AGBL4: variants seen among roughly 807,000 people sequenced by gnomAD.
AGBL4 encodes the protein AGBL carboxypeptidase 4.
AGBL4 carries 58 observed loss-of-function variants against 66.4 expected under a neutral mutation model. The ratio of observed to expected loss-of-function variants is 0.87; its 90% CI spans 0.71 to 1.09. The LOEUF is 1.09. Among genes scored for constraint, AGBL4 ranks in the 50% least tolerant of loss-of-function variants. The pLI is 0.00. For missense variants in AGBL4, 579 were observed against 631.0 expected, an observed-to-expected ratio of 0.92 and a Z score of 0.88; for synonymous variants, 234 against 222.9, an observed-to-expected ratio of 1.05 and a Z score of -0.44.
chr1:48,956,867 C>T (rs930551562), intron 5 of AGBL4, among the ~76,000 whole-genome samples: 1 of 152,040 alleles, frequency 6.6e-6, no homozygotes, highest in African/African-American at 2.4e-5. Context: ...GGACACACAC[C>T]ATGTTTTGCT....
rs189542097 is a variant in AGBL4, at chr1:49,497,168, T to C, written c.282+200145A>G. On this transcript the variant is annotated intron_variant, in intron 3 of 13. Coordinates refer to ENST00000371839, the MANE Select transcript of AGBL4 (RefSeq NM_032785.4). The stretch of plus-strand genomic sequence containing the variant: ...TATATGCCTGTTGGCCATTTGTATG[T>C]CTTCTTTTGAGAAATGTCTAATAGT... 1.6e-4 allele frequency among the ~76,000 whole-genome samples: 24 copies of C among 152,178 alleles called. 1 individual carries two copies. The highest frequency in any genetic ancestry group is 7.2e-4 in the Admixed American group (11 of 15,266).
chr1:48,633,018 G>T (rs1382018568), intron 9 of AGBL4, among the ~76,000 whole-genome samples: 1 of 152,158 alleles, frequency 6.6e-6, no homozygotes, highest in African/African-American at 2.4e-5. Context: ...TTCTATCTCT[G>T]CATATGGATT....
At chr1:49,071,147 A>G (rs1000075864) in intron 4 of AGBL4, among the ~76,000 whole-genome samples, 1 of 151,692 alleles carries the variant, frequency 6.6e-6, no homozygotes, top group African/African-American at 2.4e-5. Flanking sequence ...CTTCTTTATT[A>G]GTCTGGCTTG....
chr1:49,595,521 T>C (rs1176157137), intron 3 of AGBL4, among the ~76,000 whole-genome samples: 2 of 152,124 alleles, frequency 1.3e-5, no homozygotes, highest in Admixed American at 6.6e-5. Flanking sequence ...CTAAAAATCA[T>C]CTAGTATTAC....
intron 2 of AGBL4, among the ~76,000 whole-genome samples, chr1:49,780,148 C>T (rs1159179686): frequency 6.6e-6 from 1 of 151,996 alleles, no homozygotes; most frequent in African/African-American, 2.4e-5. Flanking sequence ...CAAGTTACAC[C>T]AGACAATAAT....
intron 6 of AGBL4, among the ~76,000 whole-genome samples, chr1:48,750,423 T>G (rs914339212): frequency 6.6e-6 from 1 of 152,188 alleles, no homozygotes; most frequent in African/African-American, 2.4e-5. Flanking sequence ...GCTCTCCTGT[T>G]GCCTGAGATA....
At chr1:49,767,184 T>C (rs1652792279) in intron 2 of AGBL4, among the ~76,000 whole-genome samples, 1 of 152,002 alleles carries the variant, frequency 6.6e-6, no homozygotes, top group Non-Finnish European at 1.5e-5. Context: ...GAATATACTC[T>C]AAGATCAACC....
At chr1:49,766,644 TAA>T (rs879640296) in intron 2 of AGBL4, among the ~76,000 whole-genome samples, 10 of 141,950 alleles carry the variant, frequency 7.0e-5, no homozygotes, top group Non-Finnish European at 6.2e-5. Context: ...CAAGCTGGAT[TAA>T]AAAAAAAAAA....
intron 5 of AGBL4, among the ~76,000 whole-genome samples, chr1:48,882,702 G>A (rs889531228): frequency 6.6e-6 from 1 of 152,070 alleles, no homozygotes; most frequent in Non-Finnish European, 1.5e-5. Flanking sequence ...GCTGTACAAA[G>A]GTTCTCCAGA....
chr1:49,465,126 G>A (rs1646598887), intron 3 of AGBL4, among the ~76,000 whole-genome samples: 1 of 151,146 alleles, frequency 6.6e-6, no homozygotes, highest in South Asian at 2.1e-4. Flanking sequence ...GCTATTTTGA[G>A]AAAATATAAT....
intron 6 of AGBL4, among the ~76,000 whole-genome samples, chr1:48,807,810 C>T (rs1331026474): frequency 4.6e-5 from 7 of 151,412 alleles, no homozygotes; most frequent in East Asian, 3.9e-4. Flanking sequence ...TGGTAACCCC[C>T]GAGTTGTGAA....
chr1:49,532,476 C>T (rs892787390), intron 3 of AGBL4, among the ~76,000 whole-genome samples: 1 of 151,990 alleles, frequency 6.6e-6, no homozygotes, highest in African/African-American at 2.4e-5. Flanking sequence ...TCTTCTAATC[C>T]CTTCCTTGTT....
At chr1:49,704,082 C>A (rs1647154566) in intron 2 of AGBL4, among the ~76,000 whole-genome samples, 1 of 152,120 alleles carries the variant, frequency 6.6e-6, no homozygotes, top group South Asian at 2.1e-4. Flanking sequence ...TTGAAGAATA[C>A]CTTAAAATGG....
intron 3 of AGBL4, among the ~76,000 whole-genome samples, chr1:49,402,255 A>T (rs1429644944): frequency 6.6e-6 from 1 of 152,076 alleles, no homozygotes; most frequent in African/African-American, 2.4e-5. Context: ...TAGTTATTTA[A>T]GACACATTGT....
At chr1:48,587,771 T>C (rs1644847345) in intron 10 of AGBL4, among the ~76,000 whole-genome samples, 1 of 151,340 alleles carries the variant, frequency 6.6e-6, no homozygotes, top group Admixed American at 6.6e-5. Flanking sequence ...GCCTCCTGAG[T>C]AGCTGGGACT....
intron 6 of AGBL4, among the ~76,000 whole-genome samples, chr1:48,721,910 A>T (rs752599): frequency 2.6e-5 from 4 of 152,012 alleles, no homozygotes; most frequent in Admixed American, 2.6e-4. Context: ...ATGAGTGTGC[A>T]CTATATGCCA....
intron 3 of AGBL4, among the ~76,000 whole-genome samples, chr1:49,373,547 T>TAGAAGA (rs1437186657): frequency 1.3e-5 from 2 of 152,000 alleles, no homozygotes; most frequent in Non-Finnish European, 2.9e-5. Context: ...AGAAGGTAAA[T>TAGAAGA]AGGTTAACAT....
chr1:48,971,476 G>T (rs941726119), intron 5 of AGBL4, among the ~76,000 whole-genome samples: 5 of 151,730 alleles, frequency 3.3e-5, no homozygotes, highest in African/African-American at 1.2e-4. Flanking sequence ...TAGTATTGAG[G>T]GGAAAAAAAA....
At chr1:48,722,072 T>C (rs922601166) in intron 6 of AGBL4, among the ~76,000 whole-genome samples, 2 of 136,452 alleles carry the variant, frequency 1.5e-5, no homozygotes, top group Admixed American at 8.7e-5. Flanking sequence ...AGAGAGAAAA[T>C]TGACAACTTG....
Sources: allele counts gnomAD v4.1 joint callset (sites outside exome capture counted in the v4.1 genomes callset), GRCh38; gene constraint gnomAD v4.1.1; transcripts MANE v1.5; gene names NCBI Gene and HGNC (gene_info 2026-07-23, HGNC 2026-07-21).